Variants in HELQ observed in about 807,000 individuals in gnomAD.
The protein encoded by HELQ is helicase POLQ-like.
A neutral mutation model predicts 111.6 loss-of-function variants in HELQ; 77 were observed. The observed-to-expected ratio is 0.69, with a 90% CI of 0.57 to 0.83. HELQ has a LOEUF of 0.83. HELQ is among the 40% of genes least tolerant of loss of function. HELQ has a pLI of 0.00. For synonymous variants in HELQ, 438 were observed against 454.7 expected (o/e 0.96, Z 0.47); for missense variants, 1,200 against 1,288.5 (o/e 0.93, Z 1.05).
intron 13 of HELQ, among the ~76,000 whole-genome samples, chr4:83,427,291 C>A (rs1233192378): frequency 6.6e-6 from 1 of 151,330 alleles, no homozygotes; most frequent in Non-Finnish European, 1.5e-5. Context: ...TTTTTAAAAA[C>A]TGAAAGAAAA....
chr4:83,420,492 T>A lies in HELQ; in HGVS notation c.2949+1071A>T, dbSNP rs1469836477. ...CCGCCCACCCTTTGCACAAAAAAAA[T>A]TTAAAAAATTGGTTGGGCGCTGTGG... On this transcript the variant is annotated intron_variant, in intron 15 of 17. Coordinates refer to ENST00000295488, the MANE Select transcript of HELQ (RefSeq NM_133636.5). 3.6e-5 allele frequency among the ~76,000 whole-genome samples: 5 copies of A among 137,246 alleles called. No homozygotes were observed. In the East Asian group the frequency reaches 7.5e-4, roughly 21 times the overall value. 90.0% of individuals were successfully genotyped at this position (137,246 alleles called of 152,430 possible).
intron 6 of HELQ, 36 bp from the exon 7 acceptor site, chr4:83,441,439 T>C: frequency 1.1e-6 from 1 of 930,550 alleles, no homozygotes; most frequent in East Asian, 2.5e-5. Context: ...TAATACGACA[T>C]ATAAATTCAT....
At chr4:83,447,969 G>T (rs188197887) in intron 3 of HELQ, among the ~76,000 whole-genome samples, 2 of 152,046 alleles carry the variant, frequency 1.3e-5, no homozygotes, top group Admixed American at 6.6e-5. Flanking sequence ...CAGCACTTTG[G>T]GGGGCCGAGG....
intron 17 of HELQ, among the ~76,000 whole-genome samples, chr4:83,408,330 C>G (rs1738900849): frequency 6.6e-6 from 1 of 152,124 alleles, no homozygotes; most frequent in African/African-American, 2.4e-5. Context: ...CAGCTCACTG[C>G]AACCTCCGCC....
intron 9 of HELQ, among the ~76,000 whole-genome samples, chr4:83,432,918 G>A (rs1386277321): frequency 6.6e-6 from 1 of 151,972 alleles, no homozygotes; most frequent in Non-Finnish European, 1.5e-5. Flanking sequence ...AAACTGGCTG[G>A]GCATGGTAGT....
chr4:83,444,796 G>C (rs183090698), intron 5 of HELQ, among the ~76,000 whole-genome samples: 134 of 152,260 alleles, frequency 8.8e-4, no homozygotes, highest in African/African-American at 3.0e-3. Flanking sequence ...ATCAAGAAAG[G>C]CTGTGCTAAG....
At chr4:83,450,943 T>G (rs1182437733) in intron 2 of HELQ, among the ~76,000 whole-genome samples, 1 of 152,154 alleles carries the variant, frequency 6.6e-6, no homozygotes, top group Non-Finnish European at 1.5e-5. Flanking sequence ...GTCGTATTCC[T>G]AGAGGTTCTG....
At chr4:83,453,999 A>G (rs985040002) in intron 1 of HELQ, 54 bp from the exon 2 acceptor site, 5 of 1,100,664 alleles carry the variant, frequency 4.5e-6, no homozygotes, top group Non-Finnish European at 6.6e-6. Context: ...TAAGAATAAA[A>G]GCTTCACCAG....
chr4:83,453,954 A>G lies in HELQ; in HGVS notation c.298-9T>C. 1 of 1,529,456 alleles carries G rather than the reference A, an allele frequency of 6.5e-7. No individual in the cohort carries two copies. The highest frequency in any genetic ancestry group is 9.0e-7 in the Non-Finnish European group (1 of 1,115,576). 94.7% of individuals were successfully genotyped at this position (1,529,456 alleles called of 1,614,324 possible). Reference sequence around the variant, plus strand: ...ACTTCACTGTCATTAGGCTGCAAAGAGAACAAAAACGCTTATGGTCAATTC... The same window carrying G: ...ACTTCACTGTCATTAGGCTGCAAAGGGAACAAAAACGCTTATGGTCAATTC... On this transcript the variant is annotated splice_polypyrimidine_tract_variant and intron_variant, in intron 1 of 17. Transcript: ENST00000295488.
chr4:83,407,550 T>C lies in HELQ; in HGVS notation c.3209A>G (p.His1070Arg). The C allele has an allele frequency of 6.2e-7, 1 of 1,608,170 alleles. No homozygotes were observed. The highest frequency in any genetic ancestry group is 1.3e-5 in the African/African-American group (1 of 74,784). ...QIVSSAKMLL[H>R]EKAEALQEEV... is the part of the protein sequence containing the mutation. ...TTCTTGCAGGGCTTCTGCTTTTTCA[T>C]GCAACAGCATCTACATTAAAAAATT... is the stretch of plus-strand genomic sequence containing the variant. Residue 1070 changes from histidine (H) to arginine (R), a missense_variant, in exon 18 of 18, where the codon CAT (histidine) becomes CGT (arginine). Physicochemically the swap from His to Arg is conservative, Grantham distance 29 (BLOSUM62 0). Transcript: ENST00000295488.
chr4:83,448,383 C>T (rs907889351), intron 3 of HELQ, among the ~76,000 whole-genome samples: 16 of 152,024 alleles, frequency 1.1e-4, no homozygotes, highest in African/African-American at 3.9e-4. Flanking sequence ...TTAAGAGGTA[C>T]TTCTCACCAG....
intron 2 of HELQ, among the ~76,000 whole-genome samples, chr4:83,452,837 T>G (rs1668924704): frequency 6.6e-6 from 1 of 152,166 alleles, no homozygotes; most frequent in Admixed American, 6.5e-5. Flanking sequence ...AACCCAGAAT[T>G]AGAGTGGGGT....
intron 9 of HELQ, among the ~76,000 whole-genome samples, chr4:83,434,330 C>G (rs1720332302): frequency 6.6e-6 from 1 of 152,148 alleles, no homozygotes; most frequent in Admixed American, 6.5e-5. Context: ...GAGACCGCAC[C>G]ACTGCACTCC....
intron 17 of HELQ, among the ~76,000 whole-genome samples, chr4:83,416,228 A>G (rs550049637): frequency 6.6e-6 from 1 of 151,548 alleles, no homozygotes; most frequent in East Asian, 1.9e-4. Flanking sequence ...GATTACAGGC[A>G]TGAGGCACCA....
At chr4:83,415,636 CTT>C (rs202106636) in intron 17 of HELQ, among the ~76,000 whole-genome samples, 7 of 142,424 alleles carry the variant, frequency 4.9e-5, no homozygotes, top group Admixed American at 1.4e-4. Context: ...TTGAAATTGT[CTT>C]TTTTTTTTTT....
chr4:83,446,074 C>T lies in HELQ; in HGVS notation c.1405G>A (p.Gly469Ser). ...AGTGTAGCTCCACGGCTTCCTTCAC[C>T]AATCATGTGCAACTTCGAGATTTTT... ...LVVVDELHMI[G>S]EGSRGATLEM... is the part of the protein sequence containing the mutation. The change falls in exon 5 of 18, where the codon GGT becomes AGT. Residue 469 changes from glycine (G) to serine (S), a missense_variant. This residue lies in a region of HELQ where 610 missense variants were observed against 607.1 expected (regional missense o/e 1.00). Coordinates refer to ENST00000295488, the MANE Select transcript of HELQ (RefSeq NM_133636.5). 4 of 1,612,786 alleles carry T rather than the reference C, an allele frequency of 2.5e-6. No individual in the cohort carries two copies. Among genetic ancestry groups the T allele is most frequent in the South Asian group, 2.2e-5 (2 of 91,016 alleles).
At position 83,407,530 on chromosome 4, in the gene HELQ, G is replaced by C; in HGVS notation, c.3229C>G (p.Gln1077Glu). Reference protein sequence around the residue: ...MLLHEKAEALQEEVEELLRLP... With the variant: ...MLLHEKAEALEEEVEELLRLP... The stretch of plus-strand genomic sequence containing the variant: ...CTTAGTAACTCTTCTACCTCTTCTT[G>C]CAGGGCTTCTGCTTTTTCATGCAAC... The change falls in exon 18 of 18, where the codon CAA (glutamine) becomes GAA (glutamate). Residue 1077 changes from glutamine to glutamate, a missense_variant. Gln to Glu is a conservative substitution (Grantham distance 29, BLOSUM62 2). Coordinates refer to ENST00000295488, the MANE Select transcript of HELQ (RefSeq NM_133636.5). The C allele has an allele frequency of 6.2e-7, 1 of 1,611,728 alleles. No individual in the cohort carries two copies. Among genetic ancestry groups the C allele is most frequent in the Non-Finnish European group, 8.5e-7 (1 of 1,179,284 alleles).
rs935803818 is a variant in HELQ at position 83,455,821 on chromosome 4, C to G, written c.-128G>C. ...CTTGGGAAAAGACCCCAAGTTAGCTCTCAGGGCTCGCGGACCGGAAGCACG... is the reference window on the plus strand; with the variant it reads ...CTTGGGAAAAGACCCCAAGTTAGCTGTCAGGGCTCGCGGACCGGAAGCACG... On this transcript the variant is annotated 5_prime_UTR_variant, in exon 1 of 18. Transcript: ENST00000295488. 3.1e-6 allele frequency: 3 copies of G among 963,290 alleles called. No homozygotes were observed. Among genetic ancestry groups the G allele is most frequent in the Non-Finnish European group, 4.7e-6 (3 of 641,338 alleles). The allele number at this position is 963,290 out of a possible 1,614,324, so 59.7% of individuals were successfully genotyped here. A position where few individuals can be genotyped will look rare whatever the true frequency, so the allele number is the denominator to read the frequency against.
intron 12 of HELQ, among the ~76,000 whole-genome samples, chr4:83,428,747 C>T (rs527956269): frequency 6.6e-6 from 1 of 151,862 alleles, no homozygotes; most frequent in Admixed American, 6.6e-5. Context: ...TTTGAGACCA[C>T]CCTGGCAAAC....
Sources: allele counts gnomAD v4.1 joint callset (sites outside exome capture counted in the v4.1 genomes callset), GRCh38; gene constraint gnomAD v4.1.1; regional missense constraint gnomAD v4.1.1; transcripts MANE v1.5; gene names NCBI Gene and HGNC (gene_info 2026-07-23, HGNC 2026-07-21).